ROBO1: variants seen among roughly 807,000 people sequenced by gnomAD.
ROBO1 encodes roundabout homolog 1.
In ROBO1, 149 loss-of-function variants were observed where a neutral mutation model predicts 195.9. The observed-to-expected ratio is 0.76, with a 90% confidence interval of 0.67 to 0.87. The LOEUF is 0.87. Ranked by LOEUF, ROBO1 falls within the 40% of genes least tolerant of loss-of-function variation. The probability of loss-of-function intolerance (pLI) is 0.00; values close to 1 mark genes in which losing one functional copy is unlikely to be tolerated. For missense variants in ROBO1, 1,933 were observed against 2,068.3 expected, an observed-to-expected ratio of 0.93 and a Z score of 1.27; for synonymous variants, 816 against 733.2, an observed-to-expected ratio of 1.11 and a Z score of -1.82.
chr3:79,311,620 A>G (rs1194792489), intron 2 of ROBO1, among the ~76,000 whole-genome samples: 3 of 152,152 alleles, frequency 2.0e-5, no homozygotes, highest in African/African-American at 7.2e-5. Flanking sequence ...TGAGGAAGAC[A>G]ACTGAAATAG....
At position 78,670,243 on chromosome 3, in the gene ROBO1, G is replaced by C. The variant is rs1408688950; in HGVS notation, c.1401C>G (p.Ala467=). 1 of 1,596,130 alleles carries C rather than the reference G, an allele frequency of 6.3e-7. No homozygotes were observed. Among genetic ancestry groups the C allele is most frequent in the Non-Finnish European group, 8.5e-7 (1 of 1,170,472 alleles). The change falls in exon 11 of 31, where the codon GCC becomes GCG. Residue 467 remains alanine, a synonymous_variant. Transcript: ENST00000464233. The part of the protein sequence containing the change: ...IRQGPVNQTV[A]VDGTFVLSCV... ...AGCTGAGGACGAAAGTGCCATCCAC[G>C]GCTACAGTCTGATTCACAGGACCTT... is the stretch of plus-strand genomic sequence containing the variant.
chr3:79,548,332 T>C (rs927950409), intron 2 of ROBO1, among the ~76,000 whole-genome samples: 2 of 152,192 alleles, frequency 1.3e-5, no homozygotes, highest in Non-Finnish European at 2.9e-5. Flanking sequence ...TGAGTAACTA[T>C]AAGAGGGAAG....
At chr3:79,027,953 T>C (rs150810187) in intron 3 of ROBO1, among the ~76,000 whole-genome samples, 1 of 152,166 alleles carries the variant, frequency 6.6e-6, no homozygotes, top group Non-Finnish European at 1.5e-5. Context: ...GATACCGAAA[T>C]TATTCTATTT....
At chr3:79,238,108 G>A (rs1010150738) in intron 2 of ROBO1, among the ~76,000 whole-genome samples, 1 of 152,098 alleles carries the variant, frequency 6.6e-6, no homozygotes, top group Non-Finnish European at 1.5e-5. Context: ...TCTGAAAAGA[G>A]CCACAATCAA....
At chr3:78,983,660 T>G (rs2077045460) in intron 3 of ROBO1, among the ~76,000 whole-genome samples, 2 of 152,196 alleles carry the variant, frequency 1.3e-5, no homozygotes, top group Non-Finnish European at 2.9e-5. Flanking sequence ...ACAAAAAAGT[T>G]AAGCAACAAA....
At chr3:78,761,761 G>C (rs929556315) in intron 4 of ROBO1, among the ~76,000 whole-genome samples, 1 of 152,072 alleles carries the variant, frequency 6.6e-6, no homozygotes, top group African/African-American at 2.4e-5. Flanking sequence ...ACTGGTTATT[G>C]ATAGTGCATA....
chr3:79,180,507 G>T (rs2081323234), intron 2 of ROBO1, among the ~76,000 whole-genome samples: 1 of 152,154 alleles, frequency 6.6e-6, no homozygotes. Context: ...CAATCGAGGT[G>T]ATAGAGCACA....
chr3:78,863,525 G>T (rs984422132), intron 4 of ROBO1, among the ~76,000 whole-genome samples: 1 of 152,162 alleles, frequency 6.6e-6, no homozygotes, highest in East Asian at 1.9e-4. Context: ...CTGCATGCAT[G>T]GGGTTGGGGA....
At chr3:79,553,439 G>A (rs1559987528) in intron 2 of ROBO1, among the ~76,000 whole-genome samples, 1 of 151,946 alleles carries the variant, frequency 6.6e-6, no homozygotes, top group Non-Finnish European at 1.5e-5. Context: ...TCTCTGAAAA[G>A]GTAATAATAT....
chr3:79,638,021 G>A (rs963422583), intron 1 of ROBO1, among the ~76,000 whole-genome samples: 3 of 152,026 alleles, frequency 2.0e-5, no homozygotes, highest in African/African-American at 7.2e-5. Flanking sequence ...ACCCTTAGTT[G>A]AACAGAACCT....
At chr3:78,897,970 C>A (rs879577928) in intron 4 of ROBO1, among the ~76,000 whole-genome samples, 48 of 151,614 alleles carry the variant, frequency 3.2e-4, no homozygotes, top group Non-Finnish European at 5.7e-4. Context: ...ACAAAAAAAA[C>A]CCAGAGTGCT....
chr3:79,724,509 G>A (rs779720963), intron 1 of ROBO1, among the ~76,000 whole-genome samples: 1 of 152,180 alleles, frequency 6.6e-6, no homozygotes, highest in Non-Finnish European at 1.5e-5. Context: ...CTTATGTCTT[G>A]TTAACAGACT....
intron 2 of ROBO1, among the ~76,000 whole-genome samples, chr3:79,381,203 T>C (rs2036555783): frequency 6.6e-6 from 1 of 151,488 alleles, no homozygotes; most frequent in Admixed American, 6.6e-5. Flanking sequence ...CTAAAAATAC[T>C]AAAATTATCT....
chr3:79,744,976 T>C (rs992688141), intron 1 of ROBO1, among the ~76,000 whole-genome samples: 1 of 152,136 alleles, frequency 6.6e-6, no homozygotes, highest in African/African-American at 2.4e-5. Context: ...ATTTTTTCTA[T>C]AATCCAGGAT....
chr3:79,735,852 CAG>C (rs1347872335), intron 1 of ROBO1, among the ~76,000 whole-genome samples: 3 of 132,066 alleles, frequency 2.3e-5, no homozygotes, highest in African/African-American at 8.8e-5. Context: ...GCCTGGGCGA[CAG>C]AGAGAGACTC....
At chr3:78,734,586 T>C (rs970998374) in intron 5 of ROBO1, among the ~76,000 whole-genome samples, 4 of 147,604 alleles carry the variant, frequency 2.7e-5, no homozygotes, top group African/African-American at 1.0e-4. Flanking sequence ...ACCAAAAGAC[T>C]TGTTTTTTGG....
At chr3:79,292,690 A>G (rs1057001126) in intron 2 of ROBO1, among the ~76,000 whole-genome samples, 1 of 152,062 alleles carries the variant, frequency 6.6e-6, no homozygotes, top group Non-Finnish European at 1.5e-5. Context: ...ACAGATTTGC[A>G]TATGTTGAAC....
At chr3:79,455,757 T>C (rs1255861648) in intron 2 of ROBO1, among the ~76,000 whole-genome samples, 7 of 152,108 alleles carry the variant, frequency 4.6e-5, no homozygotes, top group Admixed American at 4.6e-4. Context: ...TGCACTTTTC[T>C]GCCATGAAGT....
chr3:78,661,563 C>A (rs1429950269), intron 15 of ROBO1, among the ~76,000 whole-genome samples: 1 of 152,118 alleles, frequency 6.6e-6, no homozygotes, highest in African/African-American at 2.4e-5. Context: ...ATGCTTCATG[C>A]AGAAATGTGA....
Sources: allele counts gnomAD v4.1 joint callset (sites outside exome capture counted in the v4.1 genomes callset), GRCh38; gene constraint gnomAD v4.1.1; transcripts MANE v1.5; gene names NCBI Gene and HGNC (gene_info 2026-07-23, HGNC 2026-07-21).